USP34: variants seen among roughly 807,000 people sequenced by gnomAD.
The protein encoded by USP34 is ubiquitin carboxyl-terminal hydrolase 34.
USP34 carries 70 observed loss-of-function variants against 460.3 expected under a neutral mutation model. That is an observed-to-expected ratio of 0.15 (90% confidence interval 0.13 to 0.19). The LOEUF (loss-of-function observed/expected upper bound fraction) is 0.19. Ranked by LOEUF, USP34 falls within the 10% of genes least tolerant of loss-of-function variation. USP34 has a pLI of 1.00. For missense variants in USP34, 3,985 were observed against 4,236.2 expected (o/e 0.94, Z 1.65); for synonymous variants, 1,647 against 1,405.3 (o/e 1.17, Z -3.85).
At chr2:61,406,319 GTCA>G (rs1427926891) in intron 2 of USP34, among the ~76,000 whole-genome samples, 191 bp from the exon 3 acceptor site, 2 of 151,994 alleles carry the variant, frequency 1.3e-5, no homozygotes, top group Non-Finnish European at 2.9e-5. Flanking sequence ...TTAGTGTAAA[GTCA>G]TCATGTTAGG....
At chr2:61,326,048 G>A (rs1445240609) in intron 20 of USP34, among the ~76,000 whole-genome samples, 1 of 152,182 alleles carries the variant, frequency 6.6e-6, no homozygotes, top group African/African-American at 2.4e-5. Context: ...TAGGGTAGGA[G>A]ATGAGTCTGA....
chr2:61,389,094 G>A (rs1188342616), intron 5 of USP34, among the ~76,000 whole-genome samples: 3 of 152,126 alleles, frequency 2.0e-5, no homozygotes, highest in African/African-American at 7.2e-5. Context: ...GTAGTGTTTA[G>A]GGATATAAGA....
At chr2:61,243,591 C>G (rs1171175699) in intron 51 of USP34, among the ~76,000 whole-genome samples, 1 of 146,508 alleles carries the variant, frequency 6.8e-6, no homozygotes, top group African/African-American at 2.5e-5. Context: ...AGGAAACATT[C>G]GGCTGAGTAC....
intron 65 of USP34, 116 bp from the exon 66 acceptor site, chr2:61,221,722 G>A: frequency 1.1e-6 from 1 of 910,652 alleles, no homozygotes; most frequent in Admixed American, 3.4e-5. Flanking sequence ...GGGAAGGAGA[G>A]CTCAGCCAGT....
chr2:61,427,505 C>G (rs980730841), intron 1 of USP34, among the ~76,000 whole-genome samples: 1 of 152,124 alleles, frequency 6.6e-6, no homozygotes. Flanking sequence ...GCATCAGGGA[C>G]CAATCCTGGA....
In USP34 at chr2:61,288,864, C is replaced by T; in HGVS notation, c.4562G>A (p.Cys1521Tyr). Residue 1521 changes from cysteine to tyrosine, a missense_variant, in exon 34 of 80, where the codon TGT (cysteine) becomes TAT (tyrosine). By Grantham distance (194) the Cys-to-Tyr change is radical. Transcript: ENST00000398571. ...TATTAACTTCAGCAAGCAAGCAAGA[C>T]AGTCTAGCTGCCACTGTAAATGAGA... The part of the protein sequence containing the change: ...QESWTVWQLD[C>Y]LACLLKLICQ... The T allele has an allele frequency of 6.2e-7, 1 of 1,612,822 alleles. No individual in the cohort carries two copies. Among genetic ancestry groups the T allele is most frequent in the Non-Finnish European group, 8.5e-7 (1 of 1,179,898 alleles).
chr2:61,304,863 CATA>C (rs1690352027), intron 27 of USP34, among the ~76,000 whole-genome samples: 4 of 152,048 alleles, frequency 2.6e-5, no homozygotes, highest in Admixed American at 2.6e-4. Context: ...ATCTTTTTAA[CATA>C]ATAACTGCTT....
intron 20 of USP34, among the ~76,000 whole-genome samples, chr2:61,329,656 G>T (rs1691203012): frequency 6.6e-6 from 1 of 152,114 alleles, no homozygotes; most frequent in Non-Finnish European, 1.5e-5. Flanking sequence ...TTTATGCCAT[G>T]AAGAATCTCT....
At chr2:61,279,399 A>G (rs1372234146) in intron 39 of USP34, among the ~76,000 whole-genome samples, 1 of 152,182 alleles carries the variant, frequency 6.6e-6, no homozygotes, top group Non-Finnish European at 1.5e-5. Flanking sequence ...ACTTAGACAC[A>G]TTTTAGTCGA....
chr2:61,274,935 A>G (rs565524899), intron 41 of USP34, among the ~76,000 whole-genome samples: 1 of 152,344 alleles, frequency 6.6e-6, no homozygotes, highest in Admixed American at 6.5e-5. Flanking sequence ...ATAGTTTAAG[A>G]CAATGTTGAT....
chr2:61,347,365 T>C (rs1439406761), intron 15 of USP34, among the ~76,000 whole-genome samples: 1 of 152,078 alleles, frequency 6.6e-6, no homozygotes, highest in Non-Finnish European at 1.5e-5. Flanking sequence ...AACAACCTGG[T>C]TTTTTATTGT....
rs144295043 is a variant in USP34, at chr2:61,284,966, C to T, written c.4750-9G>A. The T allele has an allele frequency of 1.3e-6, 2 of 1,597,928 alleles. No individual in the cohort carries two copies. Among genetic ancestry groups the T allele is most frequent in the Non-Finnish European group, 8.5e-7 (1 of 1,171,522 alleles). On this transcript the variant is annotated splice_polypyrimidine_tract_variant and intron_variant, in intron 34 of 79. Coordinates refer to ENST00000398571, the MANE Select transcript of USP34 (RefSeq NM_014709.4). ...ACAAGAACAAGAAATACCTTTAAAA[C>T]AAAAACATTTTAAAAGATATTTAAA...
intron 2 of USP34, among the ~76,000 whole-genome samples, chr2:61,407,589 C>A (rs1308609753): frequency 1.3e-5 from 2 of 152,208 alleles, no homozygotes. Context: ...ATTTGAAGTA[C>A]AGCCACAAAT....
intron 3 of USP34, among the ~76,000 whole-genome samples, chr2:61,404,636 A>C (rs1010196482): frequency 4.6e-5 from 7 of 152,170 alleles, no homozygotes; most frequent in African/African-American, 1.2e-4. Flanking sequence ...GATAACAGCC[A>C]CTACCAACTG....
chr2:61,281,264 A>G (rs772494316), intron 37 of USP34, 22 bp from the exon 38 acceptor site: 7 of 1,603,456 alleles, frequency 4.4e-6, no homozygotes. Context: ...AGAAAGTTCC[A>G]CAAACAGTGA....
chr2:61,314,493 AC>A (rs926532084), intron 25 of USP34, 91 bp downstream of exon 25: 1 of 1,211,630 alleles, frequency 8.3e-7, no homozygotes, highest in African/African-American at 1.6e-5. Context: ...CTTGACCCCA[AC>A]AAAAACTTTA....
chr2:61,423,358 C>T (rs1023920777), intron 1 of USP34, among the ~76,000 whole-genome samples: 2 of 151,936 alleles, frequency 1.3e-5, no homozygotes, highest in African/African-American at 2.4e-5. Flanking sequence ...GTGATATGCC[C>T]GCCTCAGCCT....
intron 66 of USP34, 59 bp downstream of exon 66, chr2:61,221,443 A>G (rs1267710430): frequency 7.6e-6 from 11 of 1,449,012 alleles, no homozygotes; most frequent in African/African-American, 1.4e-5. Context: ...TAGTGACTAT[A>G]TTATAAAAAT....
chr2:61,363,363 C>T (rs61570897), intron 10 of USP34, among the ~76,000 whole-genome samples: 4,106 of 152,234 alleles, frequency 0.027, 194 homozygotes, highest in African/African-American at 0.094. Context: ...CCTAGGTACA[C>T]GATCTTGTGT....
Sources: gnomAD v4.1 joint callset for allele counts (sites outside exome capture counted in the v4.1 genomes callset) on GRCh38, gnomAD v4.1.1 for gene constraint, MANE v1.5 for transcripts, NCBI Gene and HGNC (gene_info 2026-07-23, HGNC 2026-07-21) for gene names.